Variants in ITGA5 observed in about 807,000 individuals in gnomAD.
ITGA5 encodes integrin alpha-5.
Under a neutral mutation model 146.3 loss-of-function variants are expected in ITGA5, and 55 were observed. The ratio of observed to expected loss-of-function variants is 0.38; its 90% CI spans 0.30 to 0.47. The LOEUF is 0.47. Among genes scored for constraint, ITGA5 ranks in the 20% least tolerant of loss-of-function variants. The probability of loss-of-function intolerance (pLI) is 0.99; values close to 1 mark genes in which losing one functional copy is unlikely to be tolerated. For missense variants in ITGA5, 1,131 were observed against 1,329.0 expected (o/e 0.85, Z 2.32); for synonymous variants, 500 against 531.8 (o/e 0.94, Z 0.82).
In ITGA5 at chr12:54,405,311, C is replaced by T. The variant is rs1314386934; in HGVS notation, c.1080G>A (p.Gln360=). The change falls in exon 12 of 30, where the codon CAG becomes CAA. Residue 360 remains glutamine, a synonymous_variant. Transcript: ENST00000293379. ...LMDRTPDGRP[Q]EVGRVYVYLQ... is the part of the protein sequence containing the mutation. ...GGTAGACGTAGACCCTGCCCACCTC[C>T]TGAGGCCGCCCGTCAGGGGTCCGAT... The T allele has an allele frequency of 5.6e-6, 9 of 1,613,312 alleles. No homozygotes were observed. In the South Asian group the frequency reaches 8.8e-5, roughly 16 times the overall value.
chr12:54,402,421 G>T, intron 19 of ITGA5, 91 bp from the exon 20 acceptor site: 2 of 1,256,614 alleles, frequency 1.6e-6, no homozygotes, highest in Non-Finnish European at 2.2e-6. Flanking sequence ...ACGAGGCCGG[G>T]TGTGGTGGCT....
intron 9 of ITGA5, 67 bp from the exon 10 acceptor site, chr12:54,405,993 T>C: frequency 7.2e-7 from 1 of 1,398,470 alleles, no homozygotes. Flanking sequence ...AAAGAACAGA[T>C]GTGTACAGGA....
intron 15 of ITGA5, 87 bp from the exon 16 acceptor site, chr12:54,404,053 G>C: frequency 6.4e-7 from 1 of 1,567,364 alleles, no homozygotes; most frequent in African/African-American, 1.4e-5. Context: ...ACCCAGACTA[G>C]GACACCACCA....
At chr12:54,410,542 GTTTAT>G (rs1348470429) in intron 2 of ITGA5, among the ~76,000 whole-genome samples, 1 of 150,724 alleles carries the variant, frequency 6.6e-6, no homozygotes, top group African/African-American at 2.4e-5. Context: ...TGTTGACCAG[GTTTAT>G]TTTAATTTTT....
chr12:54,396,298 C>T lies in ITGA5; in HGVS notation c.3145G>A (p.Ala1049Thr). 3 of 1,612,798 alleles carry T rather than the reference C, an allele frequency of 1.9e-6. No homozygotes were observed. The highest frequency in any genetic ancestry group is 2.5e-6 in the Non-Finnish European group (3 of 1,178,896). The part of the protein sequence containing the change: ...AQLKPPATSD[A>T] The stretch of plus-strand genomic sequence containing the variant: ...GAGTCTGAAATTGGGAGGACTCAGG[C>T]ATCAGAGGTGGCTGGAGGCTTGAGC... Residue 1049 changes from alanine (A) to threonine (T), a missense_variant, in exon 30 of 30, where the codon GCC becomes ACC. By Grantham distance (58) the Ala-to-Thr change is moderately conservative (BLOSUM62 0). Around this residue, in one of 3 missense-constraint regions of ITGA5, gnomAD observed 889 missense variants for 1,021.5 expected, o/e 0.87. Transcript: ENST00000293379.
At chr12:54,398,889 G>A (rs1321854199) in intron 27 of ITGA5, 191 bp from the exon 28 acceptor site, 1 of 485,242 alleles carries the variant, frequency 2.1e-6, no homozygotes, top group Non-Finnish European at 3.5e-6. Flanking sequence ...CCCCAGGCTG[G>A]AGTGCAGTGG....
At chr12:54,413,779 G>C (rs1955975100) in intron 1 of ITGA5, among the ~76,000 whole-genome samples, 3 of 152,228 alleles carry the variant, frequency 2.0e-5, no homozygotes, top group Non-Finnish European at 4.4e-5. Flanking sequence ...ACTGGACCAG[G>C]AGCCAAGAGT....
chr12:54,401,999 A>G lies in ITGA5; in HGVS notation c.2226+2T>C. The G allele has an allele frequency of 6.2e-7, 1 of 1,613,930 alleles. No homozygotes were observed. Among genetic ancestry groups the G allele is most frequent in the Non-Finnish European group, 8.5e-7 (1 of 1,179,898 alleles). On this transcript the variant is annotated splice_donor_variant, in intron 21 of 29. Coordinates refer to ENST00000293379, the MANE Select transcript of ITGA5 (RefSeq NM_002205.5). LOFTEE classifies it high-confidence loss of function. This position sits in a 1 kb window ranked among gnomAD's most constrained non-coding sequence, Gnocchi z 5.0. ...TCCCATCCTCTTTCATCCCAAACTT[A>G]CACTGGCTCCTGCCTTCATGGGGTT...
intron 9 of ITGA5, chr12:54,407,362 C>T: frequency 2.1e-6 from 1 of 472,550 alleles, no homozygotes. Flanking sequence ...TCACTGAGTA[C>T]TTTCACATGC....
chr12:54,398,779 T>A, intron 27 of ITGA5, 81 bp from the exon 28 acceptor site: 1 of 855,360 alleles, frequency 1.2e-6, no homozygotes. Flanking sequence ...TGGCTGGGGT[T>A]GTGATCTTTC....
chr12:54,407,762 T>C (rs1052170087), intron 8 of ITGA5, 70 bp from the exon 9 acceptor site: 3 of 1,604,282 alleles, frequency 1.9e-6, no homozygotes, highest in South Asian at 2.2e-5. Flanking sequence ...AGTGGCCAAG[T>C]TCATGGGCTC....
In ITGA5 at chr12:54,411,975, G is replaced by A. The variant is rs751702006; in HGVS notation, c.219-11C>T. On this transcript the variant is annotated splice_polypyrimidine_tract_variant and intron_variant, in intron 1 of 29. Transcript: ENST00000293379. ...ACCAGCACACTGACCCTGTGGGGGG[G>A]AAAAGCGAGGCAGTTGAGGATGGCT... The A allele has an allele frequency of 1.3e-6, 2 of 1,561,972 alleles. No homozygotes were observed. The highest frequency in any genetic ancestry group is 1.2e-5 in the South Asian group (1 of 83,600).
chr12:54,401,545 T>C lies in ITGA5; in HGVS notation c.2387+40A>G, dbSNP rs1220099069. The stretch of plus-strand genomic sequence containing the variant: ...ATATGCATCCTTCCCTAGAAGTCTG[T>C]GTCCCCTCTCAGAAAGACCCCATTT... On this transcript the variant is annotated intron_variant, in intron 23 of 29. Transcript: ENST00000293379. The surrounding 1 kb of genome is among the most constrained non-coding windows in gnomAD (Gnocchi z 5.0). 1.2e-6 allele frequency: 2 copies of C among 1,609,180 alleles called. No homozygotes were observed. The highest frequency in any genetic ancestry group is 1.1e-5 in the South Asian group (1 of 90,960).
rs763244163 is a variant in ITGA5, at chr12:54,411,830, C to T, written c.349+4G>A. 1.3e-6 allele frequency: 2 copies of T among 1,503,040 alleles called. No individual in the cohort carries two copies. The highest frequency in any genetic ancestry group is 1.4e-5 in the African/African-American group (1 of 70,502). The allele number at this position is 1,503,040 out of a possible 1,614,324, so 93.1% of individuals were successfully genotyped here. Reference sequence around the variant, plus strand: ...CAGTCCCTCCCTGAATTTCACTGGCCTACCTTTGCTGTCAAATTCAATGGG... The same window carrying T: ...CAGTCCCTCCCTGAATTTCACTGGCTTACCTTTGCTGTCAAATTCAATGGG... On this transcript the variant is annotated splice_donor_region_variant and intron_variant, in intron 2 of 29. Coordinates refer to ENST00000293379, the MANE Select transcript of ITGA5 (RefSeq NM_002205.5).
In ITGA5 at chr12:54,400,891, T is replaced by G. The variant is rs770629177; in HGVS notation, c.2598A>C (p.Gly866=). ...TGGGGTGATTGGTGGTGCAGTTGAG[T>G]CCCGTAACTCTGGTCACATATAGGA... is the stretch of plus-strand genomic sequence containing the variant. ...QQLLYVTRVT[G]LNCTTNHPIN... The change falls in exon 25 of 30, where the codon GGA becomes GGC. Residue 866 remains glycine, a synonymous_variant. Coordinates refer to ENST00000293379, the MANE Select transcript of ITGA5 (RefSeq NM_002205.5). The G allele has an allele frequency of 1.7e-5, 27 of 1,613,994 alleles. No homozygotes were observed. Among genetic ancestry groups the G allele is most frequent in the Non-Finnish European group, 2.2e-5 (26 of 1,179,988 alleles).
In ITGA5 at chr12:54,405,192, C is replaced by T. The variant is rs750126955; in HGVS notation, c.1199G>A (p.Gly400Glu). ...ATTGTAGCCATCCTGGTCCAGGTCC[C>T]CCAGGGGGGTCAAGGAGCTGCCAAA... Reference protein sequence around the residue: ...GRFGSSLTPLGDLDQDGYNDV... With the variant: ...GRFGSSLTPLEDLDQDGYNDV... Residue 400 changes from glycine (G) to glutamate (E), a missense_variant, in exon 12 of 30, where the codon GGG becomes GAG. Coordinates refer to ENST00000293379, the MANE Select transcript of ITGA5 (RefSeq NM_002205.5). 6 of 1,608,962 alleles carry T rather than the reference C, an allele frequency of 3.7e-6. No individual in the cohort carries two copies. The African/African-American group carries it at 8.0e-5, about 21-fold the overall frequency.
chr12:54,411,700 C>A, intron 2 of ITGA5, 134 bp downstream of exon 2: 1 of 615,450 alleles, frequency 1.6e-6, no homozygotes, highest in African/African-American at 1.9e-5. Flanking sequence ...GCAGTTGGAG[C>A]ACCAGAGCTG....
At chr12:54,404,519 C>G (rs771556152) in intron 13 of ITGA5, 44 bp from the exon 14 acceptor site, 19 of 1,609,204 alleles carry the variant, frequency 1.2e-5, no homozygotes, top group East Asian at 2.2e-5. Context: ...AGCCCCAGAT[C>G]AGGATCCTTT....
intron 1 of ITGA5, among the ~76,000 whole-genome samples, chr12:54,415,982 T>A (rs1248962627): frequency 6.6e-6 from 1 of 152,228 alleles, no homozygotes; most frequent in Admixed American, 6.5e-5. Flanking sequence ...AATGATGGAT[T>A]TCCCTTGAAT....
Sources: gnomAD v4.1 joint callset for allele counts (sites outside exome capture counted in the v4.1 genomes callset) on GRCh38, gnomAD v4.1.1 for gene constraint, gnomAD v4.1.1 regional missense constraint, Gnocchi (gnomAD v3.1) non-coding constraint, MANE v1.5 for transcripts, NCBI Gene and HGNC (gene_info 2026-07-23, HGNC 2026-07-21) for gene names.